The following GABRA3 variants were observed in gnomAD, a reference collection of about 807,000 sequenced individuals.
GABRA3 encodes gamma-aminobutyric acid type A receptor subunit alpha3.
In GABRA3, 10 loss-of-function variants were observed where a neutral mutation model predicts 30.1. The observed-to-expected ratio is 0.33, with a 90% confidence interval of 0.20 to 0.56. The LOEUF is 0.56. GABRA3 is among the 20% of genes least tolerant of loss of function. GABRA3 has a pLI of 0.89. For synonymous variants in GABRA3, 151 were observed against 146.8 expected (o/e 1.03, Z -0.21); for missense variants, 233 against 392.0 (o/e 0.59, Z 3.42).
At chrX:152,215,724 G>A (rs1219072524) in intron 6 of GABRA3, among the ~76,000 whole-genome samples, 1 of 111,516 alleles carries the variant, frequency 9.0e-6, no homozygotes, top group Non-Finnish European at 1.9e-5. Context: ...CAAAGCACAG[G>A]CATTAAAAGC....
intron 9 of GABRA3, among the ~76,000 whole-genome samples, chrX:152,178,262 G>A (rs2124331979): frequency 9.0e-6 from 1 of 110,528 alleles, no homozygotes; most frequent in African/African-American, 3.3e-5. Flanking sequence ...GTGTGTGTGT[G>A]TGTGCGTGTG....
intron 7 of GABRA3, among the ~76,000 whole-genome samples, chrX:152,201,319 A>G (rs186466155): frequency 1.7e-4 from 19 of 109,379 alleles, no homozygotes; most frequent in South Asian, 4.0e-4. Context: ...CTCATTATGT[A>G]CCACCTGTGT....
chrX:152,179,547 TGCAGTGGC>T (rs1418764113), intron 9 of GABRA3, among the ~76,000 whole-genome samples: 1 of 105,327 alleles, frequency 9.5e-6, no homozygotes, highest in Non-Finnish European at 1.9e-5. Context: ...CAGGCTGGAG[TGCAGTGGC>T]GCGATCTCGG....
chrX:152,348,911 G>A (rs1403200614), intron 2 of GABRA3, among the ~76,000 whole-genome samples: 1 of 111,915 alleles, frequency 8.9e-6, no homozygotes, highest in Non-Finnish European at 1.9e-5. Context: ...ACCAGTCAGG[G>A]CAGTGGTTGC....
chrX:152,273,735 GT>G (rs1264393363), intron 4 of GABRA3, among the ~76,000 whole-genome samples: 1 of 111,633 alleles, frequency 9.0e-6, no homozygotes, highest in Non-Finnish European at 1.9e-5. Context: ...GAGCTAAAAA[GT>G]TTGAGCTAAT....
At chrX:152,317,922 C>T (rs1031335740) in intron 3 of GABRA3, among the ~76,000 whole-genome samples, 11 of 110,654 alleles carry the variant, frequency 9.9e-5, no homozygotes, top group African/African-American at 3.6e-4. Context: ...AGAGAAATAA[C>T]GGACCAAACC....
intron 1 of GABRA3, among the ~76,000 whole-genome samples, chrX:152,395,605 G>A (rs1929639384): frequency 8.9e-6 from 1 of 111,743 alleles, no homozygotes; most frequent in African/African-American, 3.3e-5. Flanking sequence ...TGGCTCTTTT[G>A]TTTGAGCATC....
chrX:152,255,671 C>T lies in GABRA3; in HGVS notation c.551+107G>A. ...GAAGTATATACATACCTGTACATTTCTAATCTATACACTTGAGGGAATTTT... is the reference window on the plus strand; with the variant it reads ...GAAGTATATACATACCTGTACATTTTTAATCTATACACTTGAGGGAATTTT... On this transcript the variant is annotated intron_variant, in intron 5 of 9. Transcript: ENST00000370314. 4.6e-6 allele frequency: 3 copies of T among 647,378 alleles called. No individual in the cohort carries two copies. The Admixed American group carries it at 7.3e-5, about 16-fold the overall frequency. The allele number at this position is 647,378 out of a possible 1,213,427, so 53.4% of individuals were successfully genotyped here. A position where few individuals can be genotyped will look rare whatever the true frequency, so the allele number is the denominator to read the frequency against.
intron 3 of GABRA3, among the ~76,000 whole-genome samples, chrX:152,345,286 A>G (rs1370429206): frequency 3.6e-5 from 4 of 111,850 alleles, no homozygotes; most frequent in Non-Finnish European, 7.5e-5. Context: ...GCTATGTCCC[A>G]TAAACCCATC....
chrX:152,179,400 T>C (rs1187041523), intron 9 of GABRA3, among the ~76,000 whole-genome samples: 1 of 110,888 alleles, frequency 9.0e-6, no homozygotes, highest in African/African-American at 3.3e-5. Flanking sequence ...GAACTTATTC[T>C]TCTCTAAGTA....
chrX:152,314,431 A>T (rs1186140867), intron 3 of GABRA3, among the ~76,000 whole-genome samples: 2 of 112,445 alleles, frequency 1.8e-5, no homozygotes, highest in South Asian at 3.7e-4. Flanking sequence ...GTAAGATCTT[A>T]TCACTTCCCT....
chrX:152,236,788 G>A (rs1334382027), intron 5 of GABRA3, among the ~76,000 whole-genome samples: 1 of 98,838 alleles, frequency 1.0e-5, no homozygotes, highest in African/African-American at 3.7e-5. Context: ...CTGCATAAAT[G>A]TCTTCTTTTG....
chrX:152,241,588 G>A lies in GABRA3; in HGVS notation c.551+14190C>T, dbSNP rs1938373119. ...CCTAAGCAAGCCTGGGCAATGGCGG[G>A]CGCCCCTCCCCCAGCCTCGCTGCTG... On this transcript the variant is annotated intron_variant, in intron 5 of 9. Transcript: ENST00000370314. Among the ~76,000 whole-genome samples, 3 of 109,420 alleles carry A rather than the reference G, an allele frequency of 2.7e-5. No individual in the cohort carries two copies. In the South Asian group the frequency reaches 1.2e-3, roughly 43 times the overall value.
At chrX:152,263,710 C>G (rs929564610) in intron 4 of GABRA3, among the ~76,000 whole-genome samples, 8 of 111,504 alleles carry the variant, frequency 7.2e-5, no homozygotes, top group African/African-American at 2.3e-4. Flanking sequence ...AGAAAGATAT[C>G]ATTATCCAAG....
At chrX:152,259,774 AT>A (rs781230533) in intron 4 of GABRA3, among the ~76,000 whole-genome samples, 14 of 111,206 alleles carry the variant, frequency 1.3e-4, no homozygotes, top group African/African-American at 4.6e-4. Context: ...AGGCTCTGAG[AT>A]TTGCTAGCTT....
chrX:152,366,497 T>C (rs1276008754), intron 1 of GABRA3, among the ~76,000 whole-genome samples: 3 of 111,976 alleles, frequency 2.7e-5, no homozygotes, highest in African/African-American at 9.7e-5. Flanking sequence ...CAAATTATCA[T>C]GGTAGATAAG....
At chrX:152,349,411 A>C (rs56945541) in intron 2 of GABRA3, among the ~76,000 whole-genome samples, 11,435 of 108,024 alleles carry the variant, frequency 0.11, 632 homozygotes, top group African/African-American at 0.15. Context: ...CGAGCAAAAT[A>C]ACCAGCTAAC....
intron 1 of GABRA3, among the ~76,000 whole-genome samples, chrX:152,376,039 G>T (rs1417327842): frequency 8.9e-6 from 1 of 112,049 alleles, no homozygotes; most frequent in Non-Finnish European, 1.9e-5. Flanking sequence ...GAGGATTAGA[G>T]CTGTCCTCAG....
chrX:152,230,912 C>T (rs1328140248), intron 5 of GABRA3, among the ~76,000 whole-genome samples: 6 of 109,739 alleles, frequency 5.5e-5, no homozygotes, highest in Non-Finnish European at 1.1e-4. Flanking sequence ...AGGTGTGACA[C>T]CAAAATCATG....
Sources: gnomAD v4.1 joint callset for allele counts (sites outside exome capture counted in the v4.1 genomes callset) on GRCh38, gnomAD v4.1.1 for gene constraint, MANE v1.5 for transcripts, NCBI Gene and HGNC (gene_info 2026-07-23, HGNC 2026-07-21) for gene names.